Variants in POLK observed in about 807,000 individuals in gnomAD.
POLK encodes the protein DNA polymerase kappa.
In POLK, 76 loss-of-function variants were observed where a neutral mutation model predicts 94.0. The ratio of observed to expected loss-of-function variants is 0.81; its 90% CI spans 0.67 to 0.98. POLK has a LOEUF of 0.98. Ranked by LOEUF, POLK falls within the 50% of genes least tolerant of loss-of-function variation. The pLI is 0.00. For synonymous variants in POLK, 349 were observed against 325.4 expected, an observed-to-expected ratio of 1.07 and a Z score of -0.78; for missense variants, 954 against 1,010.1, an observed-to-expected ratio of 0.94 and a Z score of 0.75.
intron 7 of POLK, 197 bp from the exon 8 acceptor site, chr5:75,583,096 G>A (rs750870417): frequency 4.6e-5 from 19 of 409,000 alleles, no homozygotes; most frequent in Non-Finnish European, 7.4e-5. Flanking sequence ...CACAATGACT[G>A]TAACTAGTAC....
At position 75,553,822 on chromosome 5, in the gene POLK, C is replaced by T. The variant is rs139528036; in HGVS notation, c.255+1231C>T. 1.1e-3 allele frequency among the ~76,000 whole-genome samples: 165 copies of T among 152,228 alleles called. 1 individual carries two copies. Among genetic ancestry groups the T allele is most frequent in the Admixed American group, 7.4e-3 (113 of 15,282 alleles). On this transcript the variant is annotated intron_variant, in intron 3 of 14. Transcript: ENST00000241436. ...TTTATTCTGTTTGCGAGTATATACA[C>T]TAAGTTGCTAGCACAAGAGACCAAA...
At chr5:75,561,131 C>T (rs1770950610) in intron 3 of POLK, among the ~76,000 whole-genome samples, 1 of 152,212 alleles carries the variant, frequency 6.6e-6, no homozygotes, top group Non-Finnish European at 1.5e-5. Flanking sequence ...CTCCCACCAA[C>T]AGTGTAAAAG....
downstream of POLK, chr5:75,601,217 A>AT (rs1773289880): frequency 6.6e-6 from 1 of 152,002 alleles, no homozygotes; most frequent in Non-Finnish European, 1.5e-5. Context: ...AAAAAAATAC[A>AT]TTTTTTTCTT....
chr5:75,522,479 G>C (rs1165126083), intron 1 of POLK, among the ~76,000 whole-genome samples: 2 of 152,098 alleles, frequency 1.3e-5, no homozygotes, highest in African/African-American at 4.8e-5. Flanking sequence ...ACCCAAAACC[G>C]GTTTCAGAAC....
chr5:75,547,945 G>C (rs1456922271), intron 2 of POLK, among the ~76,000 whole-genome samples: 1 of 150,962 alleles, frequency 6.6e-6, no homozygotes, highest in African/African-American at 2.4e-5. Context: ...TCTTTTTTTT[G>C]AGACAAGGTC....
chr5:75,517,357 G>A (rs1383728166), intron 1 of POLK, among the ~76,000 whole-genome samples: 1 of 152,002 alleles, frequency 6.6e-6, no homozygotes, highest in Non-Finnish European at 1.5e-5. Context: ...TTTCACTTAA[G>A]ATAATTGCTT....
At chr5:75,511,121 G>A (rs1001269365), upstream of POLK, 2 of 1,586,568 alleles carry the variant, frequency 1.3e-6, no homozygotes, top group African/African-American at 2.7e-5. Flanking sequence ...CCTTACTGAG[G>A]ACCCCGCAGC....
At chr5:75,516,248 G>A (rs1017236823) in intron 1 of POLK, among the ~76,000 whole-genome samples, 18 of 151,990 alleles carry the variant, frequency 1.2e-4, no homozygotes, top group Admixed American at 7.2e-4. Flanking sequence ...ATTTGTCTAC[G>A]TTTGCTTTGG....
At chr5:75,530,795 T>TTTTTC (rs1046803820) in intron 1 of POLK, among the ~76,000 whole-genome samples, 9 of 151,578 alleles carry the variant, frequency 5.9e-5, no homozygotes, top group African/African-American at 2.2e-4. Flanking sequence ...TCTTGAAATT[T>TTTTTC]TTTTCTTTTC....
intron 1 of POLK, among the ~76,000 whole-genome samples, chr5:75,516,964 A>T (rs1768354451): frequency 6.6e-6 from 1 of 152,048 alleles, no homozygotes; most frequent in African/African-American, 2.4e-5. Context: ...AAATGTGTGG[A>T]TTTATATCTG....
chr5:75,596,884 C>T, exon 13 of POLK: 2 of 1,613,528 alleles, frequency 1.2e-6, no homozygotes, highest in Non-Finnish European at 1.7e-6. Context: ...ATGTTCTAGT[C>T]TCCCAAGCAA....
intron 9 of POLK, among the ~76,000 whole-genome samples, chr5:75,585,570 G>C (rs1772425784): frequency 6.6e-6 from 1 of 152,188 alleles, no homozygotes; most frequent in Admixed American, 6.5e-5. Context: ...ACCTGAGGGA[G>C]CCAGCCATGC....
Position 75,533,570 on chromosome 5 carries a change from C to G in POLK, c.-13-13440C>G, listed in dbSNP as rs950841554. 1.3e-4 allele frequency among the ~76,000 whole-genome samples: 20 copies of G among 152,226 alleles called. 1 individual carries two copies. The highest frequency in any genetic ancestry group is 1.9e-4 in the East Asian group (1 of 5,176). On this transcript the variant is annotated intron_variant, in intron 1 of 14. Coordinates refer to ENST00000241436, the Ensembl canonical transcript of POLK. ...TAGGGTTACCTTGGCTATTCGAGCT[C>G]TTTTTTGGTTTCATAGGAAATTTAA...
chr5:75,593,104 A>G (rs759249073), intron 11 of POLK, among the ~76,000 whole-genome samples: 9 of 152,100 alleles, frequency 5.9e-5, no homozygotes, highest in Non-Finnish European at 1.3e-4. Flanking sequence ...AAAGGGAAGT[A>G]AACGTTTTTG....
intron 1 of POLK, among the ~76,000 whole-genome samples, chr5:75,528,598 G>C (rs999183706): frequency 6.6e-6 from 1 of 151,858 alleles, no homozygotes; most frequent in Non-Finnish European, 1.5e-5. Context: ...GACCACATGA[G>C]GCCAGGAGTT....
chr5:75,574,083 A>G (rs1771740995), intron 5 of POLK, among the ~76,000 whole-genome samples: 1 of 152,198 alleles, frequency 6.6e-6, no homozygotes, highest in Non-Finnish European at 1.5e-5. Context: ...CTTTCCATGC[A>G]GTTTTCATTT....
At chr5:75,552,500 A>G (rs1770382322) in exon 3 of POLK, 2 of 1,612,408 alleles carry the variant, frequency 1.2e-6, no homozygotes, top group African/African-American at 1.3e-5. Flanking sequence ...AATGAGCTCA[A>G]GAAAGAAAAG....
chr5:75,536,197 G>A (rs1449797228), intron 1 of POLK, among the ~76,000 whole-genome samples: 2 of 152,100 alleles, frequency 1.3e-5, no homozygotes, highest in African/African-American at 4.8e-5. Flanking sequence ...TTTGATTCTA[G>A]TCTGTTCCTG....
chr5:75,516,126 C>G (rs1768310742), intron 1 of POLK, among the ~76,000 whole-genome samples: 2 of 152,246 alleles, frequency 1.3e-5, no homozygotes, highest in Non-Finnish European at 2.9e-5. Context: ...GGTTACTAAT[C>G]CCTTGTCAGA....
Sources: allele counts gnomAD v4.1 joint callset (sites outside exome capture counted in the v4.1 genomes callset), GRCh38; gene constraint gnomAD v4.1.1; transcripts MANE v1.5; gene names NCBI Gene and HGNC (gene_info 2026-07-23, HGNC 2026-07-21).